The following TRIO variants were observed in gnomAD, a reference collection of about 807,000 sequenced individuals.
TRIO encodes the protein triple functional domain protein.
TRIO carries 58 observed loss-of-function variants against 351.9 expected under a neutral mutation model. The observed-to-expected ratio is 0.16, with a 90% CI of 0.13 to 0.21. The LOEUF (loss-of-function observed/expected upper bound fraction) is 0.21, where lower values mean the gene tolerates loss of function less well. Among genes scored for constraint, TRIO ranks in the 10% least tolerant of loss-of-function variants. TRIO has a pLI of 1.00. For missense variants in TRIO, 3,201 were observed against 4,027.8 expected (o/e 0.79, Z 5.56); for synonymous variants, 1,758 against 1,595.7 (o/e 1.10, Z -2.42).
Position 14,497,086 on chromosome 5 carries a change from C to G in TRIO, c.8019+69C>G. On this transcript the variant is annotated intron_variant, in intron 50 of 56. Coordinates refer to ENST00000344204, the MANE Select transcript of TRIO (RefSeq NM_007118.4). The surrounding 1 kb of genome is among the most constrained non-coding windows in gnomAD (Gnocchi z 4.4). The stretch of plus-strand genomic sequence containing the variant: ...GAGAAAGGATCAGGGAGGGCAGAGA[C>G]TCTGCAGACCTGAAGCTGGGCTTGC... 6.4e-7 allele frequency: 1 copy of G among 1,574,394 alleles called. No individual in the cohort carries two copies. Among genetic ancestry groups the G allele is most frequent in the Non-Finnish European group, 8.6e-7 (1 of 1,159,680 alleles).
chr5:14,348,369 G>C (rs1025457902), intron 11 of TRIO, among the ~76,000 whole-genome samples: 3 of 152,214 alleles, frequency 2.0e-5, no homozygotes, highest in Non-Finnish European at 2.9e-5. Flanking sequence ...ACCATTTCTG[G>C]GGAGTCATGC....
chr5:14,364,329 CAAATT>C (rs1203350173), intron 14 of TRIO, among the ~76,000 whole-genome samples: 1 of 152,096 alleles, frequency 6.6e-6, no homozygotes, highest in Non-Finnish European at 1.5e-5. Flanking sequence ...TCATTTTACA[CAAATT>C]AAATGCTTAC....
At chr5:14,231,741 A>T (rs1020834431) in intron 1 of TRIO, among the ~76,000 whole-genome samples, 2 of 152,214 alleles carry the variant, frequency 1.3e-5, no homozygotes, top group Admixed American at 6.5e-5. Context: ...AGTTATAGAA[A>T]GTTACGTATT....
intron 49 of TRIO, among the ~76,000 whole-genome samples, chr5:14,495,387 A>G: frequency 6.6e-6 from 1 of 152,202 alleles, no homozygotes; most frequent in Non-Finnish European, 1.5e-5. Flanking sequence ...TGACAGTGCA[A>G]CAGCAGGGTT....
chr5:14,496,257 G>T (rs953776815), intron 49 of TRIO, among the ~76,000 whole-genome samples: 6 of 152,152 alleles, frequency 3.9e-5, no homozygotes, highest in African/African-American at 1.4e-4. Flanking sequence ...TGGTAGTCTG[G>T]AACCAAGTCC....
chr5:14,363,922 C>T lies in TRIO; in HGVS notation c.2582C>T (p.Ala861Val). The change falls in exon 14 of 57, where the codon GCC becomes GTC. Residue 861 changes from alanine to valine, a missense_variant. Transcript: ENST00000344204. ...CTGCAGTATGTCAATGAGGTCCAGG[C>T]CTCTGGTAAGAGGGCTCACTCCATC... The part of the protein sequence containing the change: ...DLLQYVNEVQ[A>V]SGVELLCDRD... 4.3e-6 allele frequency: 7 copies of T among 1,613,386 alleles called. No homozygotes were observed. Among genetic ancestry groups the T allele is most frequent in the Non-Finnish European group, 5.9e-6 (7 of 1,179,436 alleles).
intron 34 of TRIO, among the ~76,000 whole-genome samples, chr5:14,438,097 G>A (rs1011839905): frequency 1.3e-5 from 2 of 152,172 alleles, no homozygotes; most frequent in African/African-American, 4.8e-5. Context: ...AGAAGTTCTT[G>A]TTTTCCTTCA....
At chr5:14,317,198 C>G (rs154154) in intron 9 of TRIO, among the ~76,000 whole-genome samples, 131,905 of 152,242 alleles carry the variant, frequency 0.87, 57,630 homozygotes, top group African/African-American at 0.96. Context: ...ATGAAAAGTA[C>G]ACTTTTATGA....
chr5:14,236,097 T>A (rs1793749869), intron 1 of TRIO, among the ~76,000 whole-genome samples: 1 of 152,192 alleles, frequency 6.6e-6, no homozygotes, highest in Non-Finnish European at 1.5e-5. Flanking sequence ...GTTACTGCAC[T>A]GTTGATTTCT....
chr5:14,321,430 G>A (rs1739873647), intron 9 of TRIO, among the ~76,000 whole-genome samples: 2 of 152,236 alleles, frequency 1.3e-5, no homozygotes, highest in Admixed American at 1.3e-4. Context: ...AGTGCATGGT[G>A]CAAGGGCTGT....
At chr5:14,334,296 G>A (rs1741194243) in intron 10 of TRIO, among the ~76,000 whole-genome samples, 1 of 152,182 alleles carries the variant, frequency 6.6e-6, no homozygotes, top group South Asian at 2.1e-4. Context: ...AACCTGGCCA[G>A]GGGTTTCAGA....
intron 7 of TRIO, among the ~76,000 whole-genome samples, chr5:14,298,154 G>A (rs1401673312): frequency 1.3e-5 from 2 of 152,116 alleles, no homozygotes; most frequent in Non-Finnish European, 2.9e-5. Flanking sequence ...ATCTGACTTT[G>A]GCTTCATTTG....
intron 37 of TRIO, among the ~76,000 whole-genome samples, chr5:14,466,784 G>T (rs1247632259): frequency 6.6e-6 from 1 of 152,104 alleles, no homozygotes. Flanking sequence ...CTTTCCAAAT[G>T]GATTCATTCA....
chr5:14,488,842 C>T, intron 48 of TRIO: 1 of 693,758 alleles, frequency 1.4e-6, no homozygotes. Context: ...CTCTGGAAGA[C>T]AGAGACTGCT....
intron 34 of TRIO, among the ~76,000 whole-genome samples, chr5:14,451,611 A>G (rs934393561): frequency 1.3e-5 from 2 of 152,390 alleles, no homozygotes; most frequent in East Asian, 3.9e-4. Flanking sequence ...AGAAATTGCT[A>G]TAGGCCAGTT....
intron 1 of TRIO, among the ~76,000 whole-genome samples, chr5:14,233,118 T>C (rs1793551893): frequency 6.6e-6 from 1 of 152,090 alleles, no homozygotes; most frequent in South Asian, 2.1e-4. Flanking sequence ...GGGACTCAGC[T>C]ATGATTGAGG....
rs750583126 is a variant in TRIO at position 14,291,245 on chromosome 5, C to T, written c.1053+17C>T. ...GCTGAGAAGGTAAAGACGGGGGAGG[C>T]TAATGCCTCAGTGGACATGGGGGAA... On this transcript the variant is annotated intron_variant, in intron 5 of 56. Transcript: ENST00000344204. The T allele has an allele frequency of 6.9e-6, 11 of 1,603,868 alleles. No homozygotes were observed. Among genetic ancestry groups the T allele is most frequent in the Non-Finnish European group, 8.5e-6 (10 of 1,173,986 alleles).
chr5:14,234,366 T>C (rs570545163), intron 1 of TRIO, among the ~76,000 whole-genome samples: 26 of 152,300 alleles, frequency 1.7e-4, no homozygotes, highest in African/African-American at 5.5e-4. Context: ...ATGCTCCTGC[T>C]TTTGCTAATC....
intron 34 of TRIO, among the ~76,000 whole-genome samples, chr5:14,424,363 A>T (rs1430761793): frequency 1.3e-5 from 2 of 151,822 alleles, no homozygotes; most frequent in Non-Finnish European, 2.9e-5. Flanking sequence ...AACCTTTACC[A>T]CTCTAAAAGG....
Sources: allele counts gnomAD v4.1 joint callset (sites outside exome capture counted in the v4.1 genomes callset), GRCh38; gene constraint gnomAD v4.1.1; non-coding constraint Gnocchi (gnomAD v3.1); transcripts MANE v1.5; gene names NCBI Gene and HGNC (gene_info 2026-07-23, HGNC 2026-07-21).